TTC7B: variants seen among roughly 807,000 people sequenced by gnomAD.
TTC7B encodes the protein tetratricopeptide repeat domain 7B.
In TTC7B, 28 loss-of-function variants were observed where a neutral mutation model predicts 106.8. The ratio of observed to expected loss-of-function variants is 0.26; its 90% CI spans 0.19 to 0.36. The LOEUF is 0.36. TTC7B is among the 10% of genes least tolerant of loss of function. TTC7B has a pLI of 1.00. For synonymous variants in TTC7B, 405 were observed against 430.6 expected (o/e 0.94, Z 0.74); for missense variants, 862 against 1,076.4 (o/e 0.80, Z 2.79).
chr14:90,729,944 G>GAA (rs5810520), intron 5 of TTC7B, 131 bp downstream of exon 5: 167,325 of 830,358 alleles, frequency 0.2, 10,177 homozygotes, highest in Non-Finnish European at 0.22. Context: ...TTCTTTAAAA[G>GAA]AAAAAAAAAG....
intron 5 of TTC7B, among the ~76,000 whole-genome samples, chr14:90,714,045 T>C (rs1215178611): frequency 6.6e-6 from 1 of 152,068 alleles, no homozygotes; most frequent in African/African-American, 2.4e-5. Flanking sequence ...CTGACTAACA[T>C]GGAGAAACTT....
chr14:90,668,659 G>A (rs1199228687), intron 9 of TTC7B, among the ~76,000 whole-genome samples: 1 of 151,890 alleles, frequency 6.6e-6, no homozygotes, highest in African/African-American at 2.4e-5. Flanking sequence ...CCATATAAGG[G>A]GACAGGTTCA....
intron 1 of TTC7B, among the ~76,000 whole-genome samples, chr14:90,798,208 C>G (rs192903842): frequency 3.3e-5 from 5 of 152,288 alleles, no homozygotes; most frequent in African/African-American, 9.6e-5. Context: ...AGGCAAGACT[C>G]CATAAGCGTA....
intron 17 of TTC7B, chr14:90,605,646 A>AG: frequency 7.8e-7 from 1 of 1,289,142 alleles, no homozygotes; most frequent in Non-Finnish European, 1.0e-6. Context: ...AATGAGCTGC[A>AG]GGGGGCCACA....
At chr14:90,754,047 G>A (rs1305990616) in intron 3 of TTC7B, among the ~76,000 whole-genome samples, 2 of 152,206 alleles carry the variant, frequency 1.3e-5, no homozygotes, top group Admixed American at 1.3e-4. Context: ...CTAGTTACAT[G>A]TCAGATACTG....
In TTC7B at chr14:90,605,667, G is replaced by A. The variant is rs1417955308; in HGVS notation, c.1966+5075C>T. 11 of 1,289,112 alleles carry A rather than the reference G, an allele frequency of 8.5e-6. No homozygotes were observed. The South Asian group carries it at 8.6e-5, about 10-fold the overall frequency. The allele number at this position is 1,289,112 out of a possible 1,614,324, so 79.9% of individuals were successfully genotyped here. A position where few individuals can be genotyped will look rare whatever the true frequency, so the allele number is the denominator to read the frequency against. On this transcript the variant is annotated intron_variant, in intron 17 of 19. Coordinates refer to ENST00000328459, the MANE Select transcript of TTC7B (RefSeq NM_001010854.2). ...CTGCAGGGGGCCACACAAAGGTATCGGGTTTGGGAGAATGAAGATGAGAAG... is the reference window on the plus strand; with the variant it reads ...CTGCAGGGGGCCACACAAAGGTATCAGGTTTGGGAGAATGAAGATGAGAAG...
intron 12 of TTC7B, 64 bp downstream of exon 12, chr14:90,654,929 G>A (rs3742661): frequency 0.22 from 277,347 of 1,281,208 alleles, 32,596 homozygotes; most frequent in East Asian, 0.43. Context: ...TGGGAATCCC[G>A]CAGGGTAGAC....
intron 19 of TTC7B, among the ~76,000 whole-genome samples, chr14:90,560,803 G>T (rs1054647130): frequency 1.3e-5 from 2 of 152,214 alleles, no homozygotes; most frequent in African/African-American, 2.4e-5. Context: ...GGTAGCTGGT[G>T]GGGGCTGCTG....
chr14:90,745,023 ATGT>A, intron 3 of TTC7B, 101 bp from the exon 4 acceptor site: 1 of 1,181,362 alleles, frequency 8.5e-7, no homozygotes, highest in Non-Finnish European at 1.2e-6. Flanking sequence ...GTAGAATATC[ATGT>A]TGTTTGCAAA....
chr14:90,553,602 A>G (rs938083448), intron 19 of TTC7B, among the ~76,000 whole-genome samples: 1 of 152,176 alleles, frequency 6.6e-6, no homozygotes, highest in African/African-American at 2.4e-5. Flanking sequence ...CACACTTTGA[A>G]GTTCTCTGAG....
intron 19 of TTC7B, among the ~76,000 whole-genome samples, chr14:90,545,542 C>T (rs948580706): frequency 3.9e-5 from 6 of 152,192 alleles, no homozygotes; most frequent in South Asian, 4.1e-4. Flanking sequence ...CACAGCCAAC[C>T]GACTGGGCCA....
chr14:90,704,908 G>A lies in TTC7B; in HGVS notation c.699-9330C>T, dbSNP rs371365440. Among the ~76,000 whole-genome samples, 24 of 152,278 alleles carry A rather than the reference G, an allele frequency of 1.6e-4. No homozygotes were observed. The East Asian group carries it at 2.9e-3, about 18-fold the overall frequency. ...AGTTCACACTCACTCACTCCGACGC[G>A]AAGCTCAGGTTTACCTTGGCTCTAT... On this transcript the variant is annotated intron_variant, in intron 5 of 19. Transcript: ENST00000328459.
chr14:90,709,788 T>A lies in TTC7B; in HGVS notation c.699-14210A>T, dbSNP rs1888366146. Among the ~76,000 whole-genome samples, 5 of 151,962 alleles carry A rather than the reference T, an allele frequency of 3.3e-5. No individual in the cohort carries two copies. In the South Asian group the frequency reaches 1.0e-3, roughly 32 times the overall value. On this transcript the variant is annotated intron_variant, in intron 5 of 19. Coordinates refer to ENST00000328459, the MANE Select transcript of TTC7B (RefSeq NM_001010854.2). ...GAGTGGTATTATTTTATAATGCTTT[T>A]GTCATGGCATAAGTCTAGCATAATA... is the stretch of plus-strand genomic sequence containing the variant.
chr14:90,756,186 G>C (rs886542676), intron 3 of TTC7B, among the ~76,000 whole-genome samples: 7 of 152,068 alleles, frequency 4.6e-5, no homozygotes, highest in African/African-American at 1.7e-4. Flanking sequence ...CAAGGAGTGA[G>C]AGCAGCCAGT....
At chr14:90,592,435 G>A (rs895032243) in intron 18 of TTC7B, among the ~76,000 whole-genome samples, 35 of 152,370 alleles carry the variant, frequency 2.3e-4, no homozygotes, top group African/African-American at 7.5e-4. Context: ...CAGGCCAGGC[G>A]CGGTGGCTCA....
chr14:90,659,060 CAAG>C (rs1317352721), intron 9 of TTC7B, among the ~76,000 whole-genome samples: 3 of 152,166 alleles, frequency 2.0e-5, no homozygotes, highest in Non-Finnish European at 4.4e-5. Context: ...GTTTCAGAAT[CAAG>C]AAATGTGTCC....
At chr14:90,651,728 GC>G (rs1410735710) in intron 13 of TTC7B, among the ~76,000 whole-genome samples, 1 of 152,212 alleles carries the variant, frequency 6.6e-6, no homozygotes, top group Non-Finnish European at 1.5e-5. Flanking sequence ...CCAGACTGGG[GC>G]TGGCAACCTG....
At chr14:90,707,539 A>C (rs1360026821) in intron 5 of TTC7B, among the ~76,000 whole-genome samples, 1 of 152,228 alleles carries the variant, frequency 6.6e-6, no homozygotes, top group Non-Finnish European at 1.5e-5. Flanking sequence ...CACTTAGTCA[A>C]GTTGAAAATG....
intron 6 of TTC7B, 139 bp from the exon 7 acceptor site, chr14:90,689,851 C>T (rs1406548481): frequency 2.2e-5 from 19 of 879,752 alleles, no homozygotes; most frequent in Admixed American, 3.3e-5. Context: ...TTTTCCTTTA[C>T]GATGGTAATC....
Sources: gnomAD v4.1 joint callset for allele counts (sites outside exome capture counted in the v4.1 genomes callset) on GRCh38, gnomAD v4.1.1 for gene constraint, MANE v1.5 for transcripts, NCBI Gene and HGNC (gene_info 2026-07-23, HGNC 2026-07-21) for gene names.